The following TP63 variants were observed in gnomAD, a reference collection of about 807,000 sequenced individuals.
TP63 encodes the protein tumor protein 63.
A neutral mutation model predicts 82.8 loss-of-function variants in TP63; 17 were observed. The ratio of observed to expected loss-of-function variants is 0.21; its 90% confidence interval spans 0.14 to 0.31. The LOEUF (loss-of-function observed/expected upper bound fraction) is 0.31. Ranked by LOEUF, TP63 falls within the 10% of genes least tolerant of loss-of-function variation. The probability of loss-of-function intolerance (pLI) is 1.00; values close to 1 mark genes in which losing one functional copy is unlikely to be tolerated. For synonymous variants in TP63, 330 were observed against 321.7 expected, an observed-to-expected ratio of 1.03 and a Z score of -0.28; for missense variants, 648 against 895.3, an observed-to-expected ratio of 0.72 and a Z score of 3.52.
chr3:189,696,373 C>T (rs1358763200), intron 1 of TP63, among the ~76,000 whole-genome samples: 3 of 152,146 alleles, frequency 2.0e-5, no homozygotes, highest in Admixed American at 1.3e-4. Context: ...CTTTTCATGG[C>T]TTGATAGCTC....
intron 4 of TP63, among the ~76,000 whole-genome samples, chr3:189,830,231 C>T (rs560952918): frequency 2.0e-5 from 3 of 152,254 alleles, no homozygotes; most frequent in Non-Finnish European, 4.4e-5. Context: ...AAATTGTAGT[C>T]AGGAGCTACC....
rs541669484 is a variant in TP63, at chr3:189,880,188, T to A, written c.1350-6206T>A. The A allele has an allele frequency of 1.5e-5, 24 of 1,611,022 alleles. 1 individual carries two copies. In the South Asian group the frequency reaches 2.4e-4, roughly 16 times the overall value. On this transcript the variant is annotated intron_variant, in intron 10 of 13. Transcript: ENST00000264731. ...ATCAGTGTACCCATAGAGCCCTATC[T>A]CTATATTTTAAGTGTGTGTGTTGTA...
chr3:189,694,712 G>GT (rs1015590570), intron 1 of TP63, among the ~76,000 whole-genome samples: 2 of 138,532 alleles, frequency 1.4e-5, no homozygotes, highest in African/African-American at 5.3e-5. Context: ...TGTTTGTTAG[G>GT]TTTTTTCACT....
chr3:189,619,683 T>C, the TP63 span, among the ~76,000 whole-genome samples: 1 of 152,278 alleles, frequency 6.6e-6, no homozygotes, highest in East Asian at 1.9e-4. Flanking sequence ...TCCTTGTAGG[T>C]GCTGTTAAGA....
At chr3:189,817,090 G>A (rs541418180) in intron 4 of TP63, among the ~76,000 whole-genome samples, 92 of 151,940 alleles carry the variant, frequency 6.1e-4, no homozygotes, top group African/African-American at 1.7e-3. Context: ...TGCTAATTGT[G>A]TTAGTACCAA....
the TP63 span, among the ~76,000 whole-genome samples, chr3:189,618,169 G>A: frequency 3.3e-5 from 5 of 152,274 alleles, no homozygotes; most frequent in South Asian, 2.1e-4. Context: ...TGTTTCTGAC[G>A]TGCCTGGCTA....
intron 4 of TP63, among the ~76,000 whole-genome samples, chr3:189,828,200 C>CGCTGTGCT (rs1711726131): frequency 6.6e-6 from 1 of 151,090 alleles, no homozygotes; most frequent in South Asian, 2.1e-4. Context: ...GAGATCGTGC[C>CGCTGTGCT]GCTGTGCTCC....
intron 3 of TP63, among the ~76,000 whole-genome samples, chr3:189,759,973 A>T (rs1450508534): frequency 6.6e-6 from 1 of 152,034 alleles, no homozygotes; most frequent in Non-Finnish European, 1.5e-5. Flanking sequence ...GTGTGGAGAA[A>T]CTCCTGTTTT....
In TP63 at chr3:189,837,315, A is replaced by AG. The variant is rs1713301813; in HGVS notation, c.580-26916dup. ...GGTTAATAATCCTCATCTATCTACC[A>AG]GAAACTTAAGAGTTGTTATCATCCT... is the stretch of plus-strand genomic sequence containing the variant. On this transcript the variant is annotated intron_variant, in intron 4 of 13. Coordinates refer to ENST00000264731, the MANE Select transcript of TP63 (RefSeq NM_003722.5). Among the ~76,000 whole-genome samples the AG allele has an allele frequency of 2.6e-5, 4 of 152,230 alleles. No individual in the cohort carries two copies. The South Asian group carries it at 8.3e-4, about 32-fold the overall frequency.
At chr3:189,695,880 G>A (rs73056176) in intron 1 of TP63, among the ~76,000 whole-genome samples, 1,816 of 152,102 alleles carry the variant, frequency 0.012, 35 homozygotes, top group African/African-American at 0.042. Context: ...TCGTTCATTC[G>A]GTTCATTTTA....
In TP63 at chr3:189,864,166, T is replaced by C. The variant is rs1319611658; in HGVS notation, c.580-66T>C. On this transcript the variant is annotated intron_variant, in intron 4 of 13. Coordinates refer to ENST00000264731, the MANE Select transcript of TP63 (RefSeq NM_003722.5). ...TGGACAGATTTTCATTGTTCTGATT[T>C]GGAATGTAACAATATCTCCTGTTGG... 1.9e-5 allele frequency: 30 copies of C among 1,599,050 alleles called. No individual in the cohort carries two copies. In the Admixed American group the frequency reaches 5.0e-4, roughly 27 times the overall value.
chr3:189,637,395 T>C (rs1030391943), intron 1 of TP63, among the ~76,000 whole-genome samples: 2 of 152,168 alleles, frequency 1.3e-5, no homozygotes, highest in African/African-American at 4.8e-5. Context: ...TGTGTCTTCA[T>C]GTAAGCATAC....
chr3:189,670,283 G>T (rs2108671212), intron 1 of TP63, among the ~76,000 whole-genome samples: 1 of 152,042 alleles, frequency 6.6e-6, no homozygotes, highest in South Asian at 2.1e-4. Flanking sequence ...TTCAGAACAG[G>T]TACAGAAGAT....
intron 3 of TP63, among the ~76,000 whole-genome samples, chr3:189,801,421 A>G (rs1367755477): frequency 2.6e-5 from 4 of 152,152 alleles, no homozygotes; most frequent in Admixed American, 2.6e-4. Context: ...CTTTGATATA[A>G]AATGATAATA....
At chr3:189,804,881 T>G (rs2108628809) in intron 3 of TP63, among the ~76,000 whole-genome samples, 1 of 152,350 alleles carries the variant, frequency 6.6e-6, no homozygotes, top group East Asian at 1.9e-4. Flanking sequence ...GCGTTTCAAC[T>G]GAAATGTGTT....
intron 1 of TP63, among the ~76,000 whole-genome samples, chr3:189,688,489 C>G (rs960822831): frequency 6.6e-6 from 1 of 152,198 alleles, no homozygotes; most frequent in Non-Finnish European, 1.5e-5. Flanking sequence ...TACAATACCT[C>G]TGTGTCCTAG....
rs184730774 is a variant in TP63, at chr3:189,859,036, T to A, written c.580-5196T>A. Among the ~76,000 whole-genome samples the A allele has an allele frequency of 7.6e-4, 115 of 152,238 alleles. 1 individual carries two copies. The highest frequency in any genetic ancestry group is 2.7e-3 in the African/African-American group (114 of 41,552). On this transcript the variant is annotated intron_variant, in intron 4 of 13. Coordinates refer to ENST00000264731, the MANE Select transcript of TP63 (RefSeq NM_003722.5). ...CAATATTACAGTTAGACAGAAGGAA[T>A]AAGTTCTGTTCTATTGCACAGTAGG...
Position 189,808,313 on chromosome 3 carries a change from G to A in TP63, c.366G>A (p.Gln122=), listed in dbSNP as rs201774402. The A allele has an allele frequency of 3.5e-5, 57 of 1,614,212 alleles. No individual in the cohort carries two copies. The Admixed American group carries it at 9.3e-4, about 26-fold the overall frequency. The change falls in exon 4 of 14, where the codon CAG becomes CAA. Residue 122 remains glutamine (Q), a synonymous_variant. Coordinates refer to ENST00000264731, the MANE Select transcript of TP63 (RefSeq NM_003722.5). ...TNLGLLNSMD[Q]QIQNGSSSTS... The stretch of plus-strand genomic sequence containing the variant: ...TGGGGCTCCTGAACAGCATGGACCA[G>A]CAGATTCAGAACGGCTCCTCGTCCA...
intron 1 of TP63, among the ~76,000 whole-genome samples, chr3:189,714,321 C>T (rs1013837633): frequency 7.9e-5 from 12 of 152,218 alleles, no homozygotes; most frequent in African/African-American, 2.4e-4. Context: ...TTTAAAGAGA[C>T]GTATGCAAAG....
Sources: gnomAD v4.1 joint callset for allele counts (sites outside exome capture counted in the v4.1 genomes callset) on GRCh38, gnomAD v4.1.1 for gene constraint, MANE v1.5 for transcripts, NCBI Gene and HGNC (gene_info 2026-07-23, HGNC 2026-07-21) for gene names.